IGSF21: variants seen among roughly 807,000 people sequenced by gnomAD.
IGSF21 encodes the protein immunoglobin superfamily member 21.
In IGSF21, 28 loss-of-function variants were observed where a neutral mutation model predicts 46.8. The observed-to-expected ratio is 0.60, with a 90% CI of 0.44 to 0.82. The LOEUF is 0.82. Ranked by LOEUF, IGSF21 falls within the 40% of genes least tolerant of loss-of-function variation. The pLI, the probability that IGSF21 is intolerant of heterozygous loss-of-function variation, is 0.00. For missense variants in IGSF21, 624 were observed against 665.5 expected (o/e 0.94, Z 0.69); for synonymous variants, 284 against 273.6 (o/e 1.04, Z -0.38).
chr1:18,293,480 G>A (rs1009545834), intron 3 of IGSF21, among the ~76,000 whole-genome samples: 3 of 152,202 alleles, frequency 2.0e-5, no homozygotes, highest in Non-Finnish European at 4.4e-5. Context: ...CCAGGACCAT[G>A]CTGAGAATGT....
chr1:18,220,102 G>T (rs929419163), intron 1 of IGSF21, among the ~76,000 whole-genome samples: 1 of 152,176 alleles, frequency 6.6e-6, no homozygotes, highest in African/African-American at 2.4e-5. Context: ...TTGCTCGAGG[G>T]CCTTGTTGTT....
At chr1:18,278,707 C>A in intron 2 of IGSF21, 3 of 400,430 alleles carry the variant, frequency 7.5e-6, no homozygotes, top group South Asian at 1.9e-5. Flanking sequence ...GCACATACCA[C>A]CATGCCTGGC....
intron 1 of IGSF21, among the ~76,000 whole-genome samples, chr1:18,199,634 T>C (rs74058329): frequency 0.035 from 5,378 of 152,122 alleles, 298 homozygotes; most frequent in African/African-American, 0.12. Flanking sequence ...CCTCGGTGGC[T>C]GCGGTAATAG....
intron 1 of IGSF21, among the ~76,000 whole-genome samples, chr1:18,117,817 G>A (rs2086200361): frequency 6.6e-6 from 1 of 152,226 alleles, no homozygotes; most frequent in Non-Finnish European, 1.5e-5. Context: ...GAAGGGAGCT[G>A]GGAAATTATC....
intron 2 of IGSF21, among the ~76,000 whole-genome samples, chr1:18,239,381 T>C (rs1282189067): frequency 6.6e-6 from 1 of 152,042 alleles, no homozygotes; most frequent in Non-Finnish European, 1.5e-5. Flanking sequence ...CAGGCAGTCT[T>C]CCCGTTGCAG....
chr1:18,340,002 G>A (rs918781124), intron 4 of IGSF21, among the ~76,000 whole-genome samples: 3 of 152,146 alleles, frequency 2.0e-5, no homozygotes, highest in African/African-American at 2.4e-5. Context: ...TGACATGGAC[G>A]GTCTAGTATT....
chr1:18,345,206 G>A (rs1311511448), intron 4 of IGSF21, among the ~76,000 whole-genome samples: 1 of 152,164 alleles, frequency 6.6e-6, no homozygotes, highest in African/African-American at 2.4e-5. Flanking sequence ...TAGAAAAGGT[G>A]GAGGCTAGAT....
At chr1:18,300,692 A>G (rs2085352414) in intron 3 of IGSF21, among the ~76,000 whole-genome samples, 1 of 152,244 alleles carries the variant, frequency 6.6e-6, no homozygotes, top group Non-Finnish European at 1.5e-5. Context: ...AGGGAAGGCC[A>G]GGAGCAAGAT....
chr1:18,309,072 A>G (rs2085455371), intron 3 of IGSF21, among the ~76,000 whole-genome samples: 1 of 150,532 alleles, frequency 6.6e-6, no homozygotes, highest in Admixed American at 6.6e-5. Context: ...CTCACTGCAT[A>G]CCCCCATACT....
At chr1:18,336,653 C>T (rs2085769702) in intron 4 of IGSF21, among the ~76,000 whole-genome samples, 1 of 152,210 alleles carries the variant, frequency 6.6e-6, no homozygotes, top group Non-Finnish European at 1.5e-5. Context: ...AAAACCATCC[C>T]TCCATGAGGC....
chr1:18,185,430 TTCCC>T (rs1473399914), intron 1 of IGSF21, among the ~76,000 whole-genome samples: 38 of 152,194 alleles, frequency 2.5e-4, no homozygotes, highest in Admixed American at 9.2e-4. Context: ...ACAAAACATA[TTCCC>T]TCCCAGAGTT....
intron 4 of IGSF21, among the ~76,000 whole-genome samples, chr1:18,353,503 G>A (rs978582430): frequency 2.6e-5 from 4 of 152,168 alleles, no homozygotes; most frequent in Non-Finnish European, 4.4e-5. Context: ...TCTAGTGAGG[G>A]TATCGGAGGA....
intron 1 of IGSF21, among the ~76,000 whole-genome samples, chr1:18,108,694 G>A (rs2086114439): frequency 6.6e-6 from 1 of 152,012 alleles, no homozygotes; most frequent in South Asian, 2.1e-4. Context: ...TTGTGTCACT[G>A]TGGGTGTGAG....
chr1:18,194,570 C>CA (rs369996234), intron 1 of IGSF21, among the ~76,000 whole-genome samples: 1 of 152,210 alleles, frequency 6.6e-6, no homozygotes, highest in African/African-American at 2.4e-5. Context: ...CCTCTGTGGT[C>CA]ACACAGCCAA....
chr1:18,241,087 G>A (rs767130720), intron 2 of IGSF21, among the ~76,000 whole-genome samples: 3 of 152,172 alleles, frequency 2.0e-5, no homozygotes, highest in Non-Finnish European at 2.9e-5. Flanking sequence ...CCACCCTTGA[G>A]TGAACATTCA....
chr1:18,145,498 C>T (rs77315719), intron 1 of IGSF21, among the ~76,000 whole-genome samples: 1,842 of 152,258 alleles, frequency 0.012, 16 homozygotes, highest in Non-Finnish European at 0.019. Context: ...CAGCCTGATA[C>T]CTGCCGCCCC....
Position 18,376,318 on chromosome 1 carries a change from A to G in IGSF21, c.1024A>G (p.Lys342Glu). The G allele has an allele frequency of 6.2e-7, 1 of 1,613,372 alleles. No individual in the cohort carries two copies. The highest frequency in any genetic ancestry group is 1.3e-5 in the African/African-American group (1 of 74,966). Residue 342 changes from lysine to glutamate, a missense_variant, in exon 7 of 10, where the codon AAA becomes GAA. Coordinates refer to ENST00000251296, the MANE Select transcript of IGSF21 (RefSeq NM_032880.5). ...MQAEVTLVAP[K>E]GPKIVMTPSR... ...CCTTTCTCTCCCTACAGTTGCCCCC[A>G]AAGGACCCAAAATTGTGATGACGCC...
chr1:18,325,761 T>C lies in IGSF21; in HGVS notation c.306-9131T>C, dbSNP rs900943729. 6.6e-5 allele frequency among the ~76,000 whole-genome samples: 10 copies of C among 152,272 alleles called. No individual in the cohort carries two copies. The South Asian group carries it at 1.0e-3, about 16-fold the overall frequency. Reference sequence around the variant, plus strand: ...CCCTTTCCTGCCTGTCTCCATCTGTTTTCCCAGGTCTGCCAGCTACCACAA... The same window carrying C: ...CCCTTTCCTGCCTGTCTCCATCTGTCTTCCCAGGTCTGCCAGCTACCACAA... On this transcript the variant is annotated intron_variant, in intron 3 of 9. Coordinates refer to ENST00000251296, the MANE Select transcript of IGSF21 (RefSeq NM_032880.5).
intron 1 of IGSF21, among the ~76,000 whole-genome samples, chr1:18,130,976 GC>G (rs2086315995): frequency 6.6e-6 from 1 of 152,234 alleles, no homozygotes; most frequent in African/African-American, 2.4e-5. Flanking sequence ...ACAGCCTCGG[GC>G]CGGCTGATGG....
Sources: allele counts gnomAD v4.1 joint callset (sites outside exome capture counted in the v4.1 genomes callset), GRCh38; gene constraint gnomAD v4.1.1; transcripts MANE v1.5; gene names NCBI Gene and HGNC (gene_info 2026-07-23, HGNC 2026-07-21).